Variants in RUNX1T1 observed in about 807,000 individuals in gnomAD.
RUNX1T1 encodes RUNX1 partner transcriptional co-repressor 1.
Under a neutral mutation model 62.8 loss-of-function variants are expected in RUNX1T1, and 4 were observed. The ratio of observed to expected loss-of-function variants is 0.06; its 90% CI spans 0.03 to 0.15. RUNX1T1 has a LOEUF of 0.15. Ranked by LOEUF, RUNX1T1 falls within the 10% of genes least tolerant of loss-of-function variation. RUNX1T1 has a pLI of 1.00. For missense variants in RUNX1T1, 508 were observed against 754.3 expected (o/e 0.67, Z 3.82); for synonymous variants, 291 against 286.0 (o/e 1.02, Z -0.18).
At chr8:91,958,747 A>T, downstream of RUNX1T1, 1 of 143,518 alleles carries the variant, frequency 7.0e-6, no homozygotes, top group East Asian at 1.1e-4. Flanking sequence ...AAAAAAAAAA[A>T]CAAAAAGCAT....
chr8:92,037,925 C>T (rs1164837388), intron 1 of RUNX1T1, among the ~76,000 whole-genome samples: 1 of 152,014 alleles, frequency 6.6e-6, no homozygotes, highest in Non-Finnish European at 1.5e-5. Context: ...TCATTTTCAC[C>T]TTTATCTTTC....
chr8:92,062,906 AC>A, exon 1 of RUNX1T1: 2 of 1,323,588 alleles, frequency 1.5e-6, no homozygotes, highest in Non-Finnish European at 1.9e-6. Flanking sequence ...GTTTCAGAGC[AC>A]CAAAAAGCAA....
chr8:92,036,793 A>G (rs1827497455), intron 1 of RUNX1T1, among the ~76,000 whole-genome samples: 1 of 152,230 alleles, frequency 6.6e-6, no homozygotes. Context: ...AGACAAAATT[A>G]TGAGGTCAGC....
rs1813564531 is a variant in RUNX1T1 at position 91,974,794 on chromosome 8, G to A, written c.1267+1111C>T. 1.3e-5 allele frequency among the ~76,000 whole-genome samples: 2 copies of A among 151,918 alleles called. 1 individual carries two copies. Among genetic ancestry groups the A allele is most frequent in the South Asian group, 4.1e-4 (2 of 4,822 alleles). On this transcript the variant is annotated intron_variant, in intron 9 of 10. Coordinates refer to ENST00000396218, the Ensembl canonical transcript of RUNX1T1. Reference sequence around the variant, plus strand: ...AGACAGCTTTCTAATTCTTAATCTGGGCTACTAAACCTAGAATGCTATCAG... The same window carrying A: ...AGACAGCTTTCTAATTCTTAATCTGAGCTACTAAACCTAGAATGCTATCAG...
intron 1 of RUNX1T1, among the ~76,000 whole-genome samples, chr8:92,044,038 C>A (rs962967934): frequency 6.7e-6 from 1 of 148,770 alleles, no homozygotes; most frequent in Non-Finnish European, 1.5e-5. Context: ...AATTCTTTAT[C>A]AGATAGTGCT....
chr8:92,032,825 C>T (rs774261123), intron 1 of RUNX1T1, among the ~76,000 whole-genome samples: 9 of 151,918 alleles, frequency 5.9e-5, no homozygotes, highest in Non-Finnish European at 1.2e-4. Context: ...AGTTCAACAG[C>T]CCAACAGAAC....
At chr8:91,955,924 C>G (rs1183635463), downstream of RUNX1T1, 1 of 229,622 alleles carries the variant, frequency 4.4e-6, no homozygotes, top group East Asian at 6.2e-5. Flanking sequence ...GATGTCCCAG[C>G]AAGTTGGAGA....
intron 5 of RUNX1T1, chr8:92,004,893 C>G (rs1820446283): frequency 2.3e-6 from 1 of 441,534 alleles, no homozygotes; most frequent in Non-Finnish European, 4.0e-6. Flanking sequence ...ATACTACAAG[C>G]AGAAAAGATT....
intron 4 of RUNX1T1, chr8:92,010,514 A>C (rs1821715542): frequency 6.6e-6 from 1 of 152,316 alleles, no homozygotes. Flanking sequence ...AGACTTAAAA[A>C]CCATTTCGAA....
intron 1 of RUNX1T1, among the ~76,000 whole-genome samples, chr8:92,082,906 G>A (rs993216573): frequency 6.8e-6 from 1 of 147,788 alleles, no homozygotes; most frequent in African/African-American, 2.7e-5. Flanking sequence ...GAGAGAAGGA[G>A]GAGGGAGAGA....
Position 91,964,131 on chromosome 8 carries a change from G to C in RUNX1T1, c.1459-3614C>G, listed in dbSNP as rs1210885780. Among the ~76,000 whole-genome samples, 4 of 152,154 alleles carry C rather than the reference G, an allele frequency of 2.6e-5. No homozygotes were observed. In the East Asian group the frequency reaches 7.7e-4, roughly 29 times the overall value. On this transcript the variant is annotated intron_variant, in intron 10 of 10. Transcript: ENST00000396218. Reference sequence around the variant, plus strand: ...TATACTAAATACAAGGCTATATACAGAATCAATGGACTGAAGCTTTTGAAT... The same window carrying C: ...TATACTAAATACAAGGCTATATACACAATCAATGGACTGAAGCTTTTGAAT...
chr8:92,051,624 A>ACTCTCTCT (rs58500025), intron 1 of RUNX1T1, among the ~76,000 whole-genome samples: 1 of 113,210 alleles, frequency 8.8e-6, no homozygotes, highest in Admixed American at 8.8e-5. Context: ...TCTCTCTCTC[A>ACTCTCTCT]CTCTCTCTCT....
At chr8:92,030,229 A>C (rs1825971979) in intron 1 of RUNX1T1, among the ~76,000 whole-genome samples, 1 of 152,088 alleles carries the variant, frequency 6.6e-6, no homozygotes. Context: ...ATATCGTACT[A>C]CCTAATCTGT....
intron 2 of RUNX1T1, among the ~76,000 whole-genome samples, chr8:92,074,383 C>T (rs1017596025): frequency 4.6e-5 from 7 of 152,156 alleles, no homozygotes. Context: ...AAGATAGTAA[C>T]TCTATGTATC....
At chr8:92,030,076 G>A (rs1170542071) in intron 1 of RUNX1T1, among the ~76,000 whole-genome samples, 1 of 152,028 alleles carries the variant, frequency 6.6e-6, no homozygotes, top group Non-Finnish European at 1.5e-5. Flanking sequence ...CTCATCTCAT[G>A]CCTCATTGGT....
chr8:92,102,751 C>G, upstream of RUNX1T1: 2 of 1,199,902 alleles, frequency 1.7e-6, no homozygotes, highest in South Asian at 1.6e-5. This position sits in a 1 kb window ranked among gnomAD's most constrained non-coding sequence, Gnocchi z 4.5. Context: ...GCCTCGCGGT[C>G]GAATAATCCA....
exon 2 of RUNX1T1, chr8:92,017,271 T>G (rs368726927): frequency 1.2e-6 from 2 of 1,613,898 alleles, no homozygotes; most frequent in Non-Finnish European, 1.7e-6. Flanking sequence ...CCTTGAGTAG[T>G]TGGGGGAGGT....
intron 8 of RUNX1T1, 27 bp from the exon 10 acceptor site, chr8:91,976,000 AGAGAGGAG>A: frequency 6.7e-7 from 1 of 1,490,086 alleles, no homozygotes; most frequent in Non-Finnish European, 9.4e-7. Flanking sequence ...AAGGGGGTGG[AGAGAGGAG>A]GAGAGTACTG....
downstream of RUNX1T1, chr8:91,958,897 G>A (rs776378803): frequency 4.6e-5 from 9 of 193,678 alleles, no homozygotes; most frequent in Non-Finnish European, 7.4e-5. Flanking sequence ...TAGCAGCTCC[G>A]AAAGATAGCT....
Sources: gnomAD v4.1 joint callset for allele counts (sites outside exome capture counted in the v4.1 genomes callset) on GRCh38, gnomAD v4.1.1 for gene constraint, Gnocchi (gnomAD v3.1) non-coding constraint, MANE v1.5 for transcripts, NCBI Gene and HGNC (gene_info 2026-07-23, HGNC 2026-07-21) for gene names.